PARP8: variants seen among roughly 807,000 people sequenced by gnomAD.
PARP8 encodes the protein poly(ADP-ribose) polymerase family member 8.
In PARP8, 51 loss-of-function variants were observed where a neutral mutation model predicts 124.1. That is an observed-to-expected ratio of 0.41 (90% CI 0.33 to 0.52). The LOEUF (loss-of-function observed/expected upper bound fraction) is 0.52, where lower values mean the gene tolerates loss of function less well. PARP8 is among the 20% of genes least tolerant of loss of function. The probability of loss-of-function intolerance (pLI) is 0.21; values close to 1 mark genes in which losing one functional copy is unlikely to be tolerated. For synonymous variants in PARP8, 391 were observed against 361.5 expected, an observed-to-expected ratio of 1.08 and a Z score of -0.93; for missense variants, 860 against 1,018.9, an observed-to-expected ratio of 0.84 and a Z score of 2.12.
At chr5:50,760,397 G>A in intron 5 of PARP8, 35 bp downstream of exon 5, 1 of 1,371,246 alleles carries the variant, frequency 7.3e-7, no homozygotes, top group African/African-American at 1.5e-5. Flanking sequence ...TCTTGAAACA[G>A]TATAGATATA....
chr5:50,672,941 C>G (rs1321642423), intron 2 of PARP8, among the ~76,000 whole-genome samples: 1 of 152,072 alleles, frequency 6.6e-6, no homozygotes, highest in African/African-American at 2.4e-5. Context: ...CGTGCCCACT[C>G]CAGAAATCTT....
chr5:50,767,939 G>A (rs1305567588), intron 7 of PARP8, among the ~76,000 whole-genome samples: 1 of 152,118 alleles, frequency 6.6e-6, no homozygotes, highest in Non-Finnish European at 1.5e-5. Context: ...AAATAAACAA[G>A]TAGCAATAGA....
At chr5:50,690,643 T>A (rs963652992) in intron 2 of PARP8, among the ~76,000 whole-genome samples, 4 of 152,196 alleles carry the variant, frequency 2.6e-5, no homozygotes, top group African/African-American at 9.6e-5. Flanking sequence ...TTATTGGACC[T>A]ATCTAGCAAA....
intron 2 of PARP8, among the ~76,000 whole-genome samples, chr5:50,715,152 A>G (rs1413503315): frequency 3.9e-5 from 6 of 151,998 alleles, no homozygotes; most frequent in South Asian, 2.1e-4. Context: ...AGCACTCTCA[A>G]AAGACTGCTG....
intron 2 of PARP8, among the ~76,000 whole-genome samples, chr5:50,728,056 A>G (rs146263604): frequency 6.6e-6 from 1 of 152,284 alleles, no homozygotes; most frequent in African/African-American, 2.4e-5. Flanking sequence ...TCCAACTACT[A>G]ATGATCAGTG....
At chr5:50,756,524 C>T (rs1385690429) in intron 3 of PARP8, among the ~76,000 whole-genome samples, 2 of 152,020 alleles carry the variant, frequency 1.3e-5, no homozygotes, top group Admixed American at 6.6e-5. Flanking sequence ...GGATGATCAT[C>T]AAAGATCATG....
intron 2 of PARP8, among the ~76,000 whole-genome samples, chr5:50,741,291 A>C (rs1449665984): frequency 1.3e-5 from 2 of 152,146 alleles, no homozygotes; most frequent in Non-Finnish European, 2.9e-5. Flanking sequence ...TACTATTCAT[A>C]TTTTATTGGA....
chr5:50,794,583 C>T (rs1742315351), intron 11 of PARP8, among the ~76,000 whole-genome samples: 1 of 151,998 alleles, frequency 6.6e-6, no homozygotes, highest in Admixed American at 6.5e-5. Context: ...TAGAGTTTTT[C>T]CTACCAAAAT....
Position 50,750,144 on chromosome 5 carries a change from T to G in PARP8, c.147-7T>G, listed in dbSNP as rs774634520. On this transcript the variant is annotated splice_polypyrimidine_tract_variant and splice_region_variant and intron_variant, in intron 2 of 25. Coordinates refer to ENST00000281631, the MANE Select transcript of PARP8 (RefSeq NM_024615.4). ...CTTGAGCCTTTTTTGTTTGTTTGTT[T>G]TAACAGTGTATCCTACTCAGTACAT... is the stretch of plus-strand genomic sequence containing the variant. The G allele has an allele frequency of 4.1e-5, 65 of 1,584,194 alleles. No homozygotes were observed. Among genetic ancestry groups the G allele is most frequent in the Non-Finnish European group, 5.3e-5 (61 of 1,156,758 alleles).
chr5:50,754,002 A>G (rs1759538886), intron 3 of PARP8, among the ~76,000 whole-genome samples: 1 of 150,012 alleles, frequency 6.7e-6, no homozygotes. Context: ...TAGGTCCTCT[A>G]TAAAACATAC....
intron 5 of PARP8, among the ~76,000 whole-genome samples, chr5:50,760,675 A>G (rs1760457088): frequency 6.6e-6 from 1 of 152,140 alleles, no homozygotes; most frequent in African/African-American, 2.4e-5. Flanking sequence ...ACTGATTTAT[A>G]ACTGCACGTG....
intron 7 of PARP8, among the ~76,000 whole-genome samples, chr5:50,771,131 A>G (rs1026715940): frequency 1.3e-5 from 2 of 150,398 alleles, no homozygotes; most frequent in Non-Finnish European, 3.0e-5. Flanking sequence ...ACACACATAT[A>G]TATACACATA....
intron 19 of PARP8, among the ~76,000 whole-genome samples, chr5:50,827,154 T>A (rs1361231091): frequency 6.6e-6 from 1 of 152,156 alleles, no homozygotes; most frequent in Non-Finnish European, 1.5e-5. Context: ...ATTTCCACTT[T>A]TCTACAGCTG....
At chr5:50,757,125 T>G (rs1760051294) in intron 3 of PARP8, 2 of 455,064 alleles carry the variant, frequency 4.4e-6, no homozygotes, top group Non-Finnish European at 4.4e-6. Flanking sequence ...TTAGCTATTG[T>G]GAATACTGCC....
chr5:50,709,378 C>T (rs1754486856), intron 2 of PARP8, among the ~76,000 whole-genome samples: 1 of 150,960 alleles, frequency 6.6e-6, no homozygotes, highest in Non-Finnish European at 1.5e-5. Context: ...GCATTTTGTT[C>T]TTGTTTCATG....
chr5:50,681,595 T>C (rs1250127035), intron 2 of PARP8, among the ~76,000 whole-genome samples: 4 of 152,174 alleles, frequency 2.6e-5, no homozygotes, highest in Non-Finnish European at 5.9e-5. Context: ...AATTCCAGTT[T>C]CAACTAGTTG....
chr5:50,689,537 T>C (rs534832180), intron 2 of PARP8, among the ~76,000 whole-genome samples: 2 of 152,268 alleles, frequency 1.3e-5, no homozygotes, highest in South Asian at 4.1e-4. Context: ...TTTGGGTCTT[T>C]TACTACCTCA....
chr5:50,739,207 T>C (rs1284059272), intron 2 of PARP8: 1 of 617,990 alleles, frequency 1.6e-6, no homozygotes, highest in East Asian at 2.8e-5. Flanking sequence ...GGGGATCTGT[T>C]ATCCTGATGG....
At chr5:50,703,690 GTCTAAC>G in intron 2 of PARP8, among the ~76,000 whole-genome samples, 1 of 152,116 alleles carries the variant, frequency 6.6e-6, no homozygotes, top group South Asian at 2.1e-4. Flanking sequence ...TTGTATAATG[GTCTAAC>G]TCTATACATT....
Sources: allele counts gnomAD v4.1 joint callset (sites outside exome capture counted in the v4.1 genomes callset), GRCh38; gene constraint gnomAD v4.1.1; transcripts MANE v1.5; gene names NCBI Gene and HGNC (gene_info 2026-07-23, HGNC 2026-07-21).